The following SGPP2 variants were observed in gnomAD, a reference collection of about 807,000 sequenced individuals.
SGPP2 encodes sphingosine-1-phosphate phosphatase 2.
Under a neutral mutation model 33.9 loss-of-function variants are expected in SGPP2, and 30 were observed. The ratio of observed to expected loss-of-function variants is 0.89; its 90% CI spans 0.66 to 1.20. SGPP2 has a LOEUF of 1.20. Ranked by LOEUF, SGPP2 falls within the 50% of genes most tolerant of loss-of-function variation. The pLI is 0.00. For synonymous variants in SGPP2, 233 were observed against 225.0 expected, an observed-to-expected ratio of 1.04 and a Z score of -0.32; for missense variants, 458 against 532.1, an observed-to-expected ratio of 0.86 and a Z score of 1.37.
chr2:222,526,466 C>A (rs1340465141), intron 4 of SGPP2, among the ~76,000 whole-genome samples: 1 of 152,120 alleles, frequency 6.6e-6, no homozygotes, highest in South Asian at 2.1e-4. Flanking sequence ...GGGAGGAGGG[C>A]GTTCTCTATT....
intron 1 of SGPP2, among the ~76,000 whole-genome samples, chr2:222,428,043 G>T (rs936472836): frequency 1.3e-5 from 2 of 152,254 alleles, no homozygotes; most frequent in African/African-American, 4.8e-5. Flanking sequence ...GTCAGGGGAA[G>T]TCAGATCTTT....
intron 1 of SGPP2, among the ~76,000 whole-genome samples, chr2:222,443,258 T>A (rs1405065093): frequency 6.6e-6 from 1 of 152,194 alleles, no homozygotes; most frequent in Non-Finnish European, 1.5e-5. Flanking sequence ...TGAGTACATA[T>A]TCAGATTTGT....
At chr2:222,523,260 T>C (rs140769825) in intron 3 of SGPP2, among the ~76,000 whole-genome samples, 97 of 152,348 alleles carry the variant, frequency 6.4e-4, no homozygotes, top group African/African-American at 2.2e-3. Flanking sequence ...TCATCTTTTG[T>C]CATAAGTTAC....
intron 2 of SGPP2, among the ~76,000 whole-genome samples, chr2:222,513,922 T>C (rs1698566505): frequency 1.3e-5 from 2 of 152,210 alleles, no homozygotes. Flanking sequence ...TCCATCTCTA[T>C]GGAGTTGCTT....
At chr2:222,539,823 AC>A (rs1698965243) in intron 4 of SGPP2, among the ~76,000 whole-genome samples, 2 of 152,310 alleles carry the variant, frequency 1.3e-5, no homozygotes, top group South Asian at 4.1e-4. Flanking sequence ...AGAAATGGAT[AC>A]CTAACAGGGT....
chr2:222,426,419 A>C (rs1697072666), intron 1 of SGPP2, among the ~76,000 whole-genome samples: 1 of 152,170 alleles, frequency 6.6e-6, no homozygotes, highest in South Asian at 2.1e-4. Flanking sequence ...TTGTTCCACC[A>C]GTGCTTCTCA....
intron 4 of SGPP2, among the ~76,000 whole-genome samples, chr2:222,541,738 C>T (rs561549044): frequency 2.4e-3 from 372 of 151,890 alleles, no homozygotes; most frequent in African/African-American, 8.5e-3. Context: ...CTCAGCCTCC[C>T]GAGTAGCTAG....
intron 1 of SGPP2, among the ~76,000 whole-genome samples, chr2:222,472,710 A>G (rs377338410): frequency 7.9e-5 from 12 of 152,212 alleles, no homozygotes; most frequent in African/African-American, 2.9e-4. Context: ...TCATCCCCCA[A>G]CAGGGAGCAG....
At chr2:222,442,839 C>A (rs1234570630) in intron 1 of SGPP2, among the ~76,000 whole-genome samples, 3 of 152,174 alleles carry the variant, frequency 2.0e-5, no homozygotes, top group African/African-American at 7.2e-5. Flanking sequence ...ATTTACCCTT[C>A]CTCAGAGCAG....
At chr2:222,504,008 A>T (rs1464645370) in intron 2 of SGPP2, 1 of 152,204 alleles carries the variant, frequency 6.6e-6, no homozygotes, top group Non-Finnish European at 1.5e-5. Flanking sequence ...CAAAAATGGG[A>T]TAGTGGTTGT....
chr2:222,459,131 T>C (rs1338650058), intron 1 of SGPP2, among the ~76,000 whole-genome samples: 7 of 133,066 alleles, frequency 5.3e-5, no homozygotes, highest in Admixed American at 1.5e-4. Flanking sequence ...TTTTTCTTTC[T>C]TTCTTTCTTT....
intron 2 of SGPP2, among the ~76,000 whole-genome samples, chr2:222,478,621 C>T (rs749543675): frequency 7.9e-5 from 12 of 152,172 alleles, no homozygotes; most frequent in African/African-American, 1.7e-4. Flanking sequence ...CATCTTATCT[C>T]GCCCAAAACT....
chr2:222,460,342 G>C lies in SGPP2; in HGVS notation c.220-14226G>C, dbSNP rs1697639858. On this transcript the variant is annotated intron_variant, in intron 1 of 4. Coordinates refer to ENST00000321276, the MANE Select transcript of SGPP2 (RefSeq NM_152386.4). This position sits in a 1 kb window ranked among gnomAD's most constrained non-coding sequence, Gnocchi z 4.3. ...AGCTGTTATTTCAGATGTGAGGTGG[G>C]AGCGCAGGGAGGCTCCAGTGGGGCT... Among the ~76,000 whole-genome samples the C allele has an allele frequency of 6.6e-6, 1 of 152,170 alleles. No individual in the cohort carries two copies. The highest frequency in any genetic ancestry group is 1.5e-5 in the Non-Finnish European group (1 of 68,024).
In SGPP2 at chr2:222,476,904, TATAG is replaced by T. The variant is rs1446198214; in HGVS notation, c.378+2181_378+2184del. Reference sequence around the variant, plus strand: ...TATATATGTGTGTTTATTGTATGTATATAGATGTGTATATATGTGTATTGGAGTA... The same window carrying T: ...TATATATGTGTGTTTATTGTATGTATATGTGTATATATGTGTATTGGAGTA... On this transcript the variant is annotated intron_variant, in intron 2 of 4. Coordinates refer to ENST00000321276, the MANE Select transcript of SGPP2 (RefSeq NM_152386.4). The surrounding 1 kb of genome is among the most constrained non-coding windows in gnomAD (Gnocchi z 4.3). Among the ~76,000 whole-genome samples the T allele has an allele frequency of 6.6e-6, 1 of 151,674 alleles. No homozygotes were observed. The highest frequency in any genetic ancestry group is 1.5e-5 in the Non-Finnish European group (1 of 67,924).
chr2:222,509,843 A>C (rs916451029), intron 2 of SGPP2, among the ~76,000 whole-genome samples: 2 of 152,214 alleles, frequency 1.3e-5, no homozygotes, highest in Non-Finnish European at 2.9e-5. Context: ...CATCACCACT[A>C]TCTCACTTCA....
At chr2:222,480,794 A>G (rs974690664) in intron 2 of SGPP2, among the ~76,000 whole-genome samples, 1 of 152,228 alleles carries the variant, frequency 6.6e-6, no homozygotes, top group South Asian at 2.1e-4. Context: ...TTAACCAAAG[A>G]AAAATGGTAT....
At chr2:222,441,769 A>G (rs1233765311) in intron 1 of SGPP2, among the ~76,000 whole-genome samples, 2 of 152,220 alleles carry the variant, frequency 1.3e-5, no homozygotes, top group Non-Finnish European at 2.9e-5. Flanking sequence ...TTTGAGGAAT[A>G]TTAGTTACTA....
At chr2:222,486,942 T>A (rs1201841408) in intron 2 of SGPP2, among the ~76,000 whole-genome samples, 1 of 152,214 alleles carries the variant, frequency 6.6e-6, no homozygotes, top group Non-Finnish European at 1.5e-5. Flanking sequence ...AAAATTAAAA[T>A]TTTTTTCTTA....
At chr2:222,491,102 T>C (rs1698190159) in intron 2 of SGPP2, among the ~76,000 whole-genome samples, 1 of 152,020 alleles carries the variant, frequency 6.6e-6, no homozygotes, top group Non-Finnish European at 1.5e-5. Flanking sequence ...TTATTATTTC[T>C]AAAAATAATC....
Sources: allele counts gnomAD v4.1 joint callset (sites outside exome capture counted in the v4.1 genomes callset), GRCh38; gene constraint gnomAD v4.1.1; non-coding constraint Gnocchi (gnomAD v3.1); transcripts MANE v1.5; gene names NCBI Gene and HGNC (gene_info 2026-07-23, HGNC 2026-07-21).